The following SLC35D1 variants were observed in gnomAD, a reference collection of about 807,000 sequenced individuals.
The protein encoded by SLC35D1 is solute carrier family 35 member D1, also known as nucleotide sugar transporter SLC35D1.
Under a neutral mutation model 46.7 loss-of-function variants are expected in SLC35D1, and 31 were observed. The observed-to-expected ratio is 0.66, with a 90% CI of 0.50 to 0.90. SLC35D1 has a LOEUF of 0.90. SLC35D1 is among the 40% of genes least tolerant of loss of function. SLC35D1 has a pLI of 0.00. For synonymous variants in SLC35D1, 195 were observed against 164.6 expected (o/e 1.18, Z -1.41); for missense variants, 397 against 426.2 (o/e 0.93, Z 0.60).
chr1:66,978,356 G>A, the SLC35D1 span, among the ~76,000 whole-genome samples: 3 of 152,130 alleles, frequency 2.0e-5, no homozygotes, highest in Non-Finnish European at 4.4e-5. Flanking sequence ...AAAACAATCT[G>A]AAAGAGAATA....
Position 67,004,207 on chromosome 1 carries a change from C to T in SLC35D1, c.*133G>A, listed in dbSNP as rs545279699. 1 of 763,172 alleles carries T rather than the reference C, an allele frequency of 1.3e-6. No individual in the cohort carries two copies. Among genetic ancestry groups the T allele is most frequent in the East Asian group, 2.7e-5 (1 of 37,506 alleles). The allele number at this position is 763,172 out of a possible 1,614,324, so 47.3% of individuals were successfully genotyped here. ...AAATTTTAAAAGGCAGCAATCAATC[C>T]TCAGATTGTACAAGTGCAAAGGAAT... On this transcript the variant is annotated 3_prime_UTR_variant, in exon 12 of 12. Transcript: ENST00000235345.
At chr1:67,006,087 C>CTA (rs577235472) in intron 11 of SLC35D1, among the ~76,000 whole-genome samples, 1 of 152,092 alleles carries the variant, frequency 6.6e-6, no homozygotes, top group Non-Finnish European at 1.5e-5. Context: ...TGGGCTCAAG[C>CTA]TATCCTCCCG....
At chr1:66,989,449 T>TA in the SLC35D1 span, among the ~76,000 whole-genome samples, 1 of 152,174 alleles carries the variant, frequency 6.6e-6, no homozygotes, top group Non-Finnish European at 1.5e-5. Flanking sequence ...TTTGGATTAA[T>TA]ATGAGGAATA....
Position 67,020,461 on chromosome 1 carries a change from A to C in SLC35D1, c.798-14T>G. ...ATTAAGATAAACCTAGAATGAAGAA[A>C]GAGGTATAAAATCCAGTTTCTCACT... On this transcript the variant is annotated splice_polypyrimidine_tract_variant and intron_variant, in intron 9 of 11. Coordinates refer to ENST00000235345, the MANE Select transcript of SLC35D1 (RefSeq NM_015139.3). The C allele has an allele frequency of 6.4e-7, 1 of 1,574,420 alleles. No individual in the cohort carries two copies. The highest frequency in any genetic ancestry group is 8.7e-7 in the Non-Finnish European group (1 of 1,144,150).
At chr1:67,029,779 TAA>T (rs1171055741) in intron 8 of SLC35D1, among the ~76,000 whole-genome samples, 2 of 152,190 alleles carry the variant, frequency 1.3e-5, no homozygotes, top group Non-Finnish European at 2.9e-5. Flanking sequence ...AATTTGTTTT[TAA>T]AAAAAGTTTT....
At chr1:67,027,880 A>G (rs569862004) in intron 8 of SLC35D1, among the ~76,000 whole-genome samples, 9 of 152,050 alleles carry the variant, frequency 5.9e-5, no homozygotes, top group South Asian at 4.2e-4. Context: ...TACAGGTGTG[A>G]GCCACCATGC....
chr1:66,983,213 G>A, the SLC35D1 span, among the ~76,000 whole-genome samples: 1 of 152,040 alleles, frequency 6.6e-6, no homozygotes, highest in African/African-American at 2.4e-5. Flanking sequence ...TTTTATATGG[G>A]GCTTTAATTA....
intron 10 of SLC35D1, among the ~76,000 whole-genome samples, chr1:67,014,526 T>G (rs1354048203): frequency 6.6e-6 from 1 of 152,052 alleles, no homozygotes. Flanking sequence ...ACTGTCTACA[T>G]AATATCAAAT....
chr1:67,041,079 TTTC>T (rs1344219188), intron 8 of SLC35D1, among the ~76,000 whole-genome samples: 1 of 152,172 alleles, frequency 6.6e-6, no homozygotes, highest in East Asian at 1.9e-4. Context: ...TAATTAAAAT[TTTC>T]TTGACTGTTA....
chr1:66,999,117 G>T (rs1328033775), downstream of SLC35D1, among the ~76,000 whole-genome samples: 1 of 152,138 alleles, frequency 6.6e-6, no homozygotes, highest in African/African-American at 2.4e-5. Context: ...CTACTCAGGA[G>T]CTTGGAAACC....
chr1:66,976,909 A>G, the SLC35D1 span, among the ~76,000 whole-genome samples: 1 of 152,204 alleles, frequency 6.6e-6, no homozygotes, highest in Non-Finnish European at 1.5e-5. Flanking sequence ...ATCTTCATAA[A>G]TAAGGCATTT....
chr1:67,028,316 G>A (rs1165720980), intron 8 of SLC35D1, among the ~76,000 whole-genome samples: 2 of 152,186 alleles, frequency 1.3e-5, no homozygotes, highest in African/African-American at 4.8e-5. Flanking sequence ...CGCTGCTGTT[G>A]TTGAGTGGAT....
At chr1:67,051,198 G>A (rs892839676) in intron 4 of SLC35D1, among the ~76,000 whole-genome samples, 5 of 152,174 alleles carry the variant, frequency 3.3e-5, no homozygotes, top group Admixed American at 2.6e-4. Flanking sequence ...ACCCTCTTCA[G>A]AGATATCATC....
intron 6 of SLC35D1, 51 bp from the exon 7 acceptor site, chr1:67,047,418 A>C: frequency 7.0e-7 from 1 of 1,426,802 alleles, no homozygotes; most frequent in South Asian, 1.2e-5. Flanking sequence ...CATGCATTTA[A>C]TTTTAAATAG....
the SLC35D1 span, among the ~76,000 whole-genome samples, chr1:66,983,754 G>C: frequency 6.6e-6 from 1 of 152,260 alleles, no homozygotes; most frequent in Admixed American, 6.5e-5. Flanking sequence ...TTGAGACAGA[G>C]TCTCGCTTTG....
chr1:67,024,436 T>C (rs758929642), intron 8 of SLC35D1, among the ~76,000 whole-genome samples: 2 of 152,222 alleles, frequency 1.3e-5, no homozygotes, highest in Non-Finnish European at 2.9e-5. Flanking sequence ...CAGTTAGGTC[T>C]ATGAACCTTT....
At position 67,042,286 on chromosome 1, in the gene SLC35D1, T is replaced by C; in HGVS notation, c.679A>G (p.Met227Val). Reference sequence around the variant, plus strand: ...GCAATGGCCAGGGTGGGCAGAATCATGAACAGTGCATTGTAATAGAGCAGT... The same window carrying C: ...GCAATGGCCAGGGTGGGCAGAATCACGAACAGTGCATTGTAATAGAGCAGT... ...YGLLYYNALF[M>V]ILPTLAIAYF... The change falls in exon 8 of 12, where the codon ATG (methionine) becomes GTG (valine). Residue 227 changes from methionine (M) to valine (V), a missense_variant. Met to Val is a conservative substitution (Grantham distance 21). Transcript: ENST00000235345. 1 of 1,614,190 alleles carries C rather than the reference T, an allele frequency of 6.2e-7. No individual in the cohort carries two copies. The highest frequency in any genetic ancestry group is 8.5e-7 in the Non-Finnish European group (1 of 1,180,020).
chr1:67,004,018 C>T lies in SLC35D1; in HGVS notation c.*322G>A. Reference sequence around the variant, plus strand: ...ATTACATATGCAGCTCTCAGGGACACCTGGATATCAAATTATGAAATAAAA... The same window carrying T: ...ATTACATATGCAGCTCTCAGGGACATCTGGATATCAAATTATGAAATAAAA... On this transcript the variant is annotated 3_prime_UTR_variant, in exon 12 of 12. Transcript: ENST00000235345. 1 of 308,358 alleles carries T rather than the reference C, an allele frequency of 3.2e-6. No individual in the cohort carries two copies. The highest frequency in any genetic ancestry group is 6.3e-6 in the Non-Finnish European group (1 of 159,216). The allele number at this position is 308,358 out of a possible 1,614,324, so 19.1% of individuals were successfully genotyped here. A position where few individuals can be genotyped will look rare whatever the true frequency, so the allele number is the denominator to read the frequency against.
chr1:66,977,618 G>A, the SLC35D1 span, among the ~76,000 whole-genome samples: 2 of 151,982 alleles, frequency 1.3e-5, no homozygotes, highest in Admixed American at 1.3e-4. Context: ...AGAATTTATT[G>A]TCTACACCTC....
Sources: gnomAD v4.1 joint callset for allele counts (sites outside exome capture counted in the v4.1 genomes callset) on GRCh38, gnomAD v4.1.1 for gene constraint, MANE v1.5 for transcripts, NCBI Gene and HGNC (gene_info 2026-07-23, HGNC 2026-07-21) for gene names.